The following ZNF285 variants were observed in gnomAD, a reference collection of about 807,000 sequenced individuals.
The protein encoded by ZNF285 is zinc finger protein 285.
ZNF285 carries 4 observed loss-of-function variants against 6.2 expected under a neutral mutation model. The observed-to-expected ratio is 0.65, with a 90% CI of 0.32 to 1.49. The LOEUF (loss-of-function observed/expected upper bound fraction) is 1.49. Among genes scored for constraint, ZNF285 ranks in the 40% most tolerant of loss-of-function variants. The pLI, the probability that ZNF285 is intolerant of heterozygous loss-of-function variation, is 0.07. For missense variants in ZNF285, 695 were observed against 708.8 expected (o/e 0.98, Z 0.22); for synonymous variants, 240 against 245.8 (o/e 0.98, Z 0.22).
In ZNF285 at chr19:44,386,293, A is replaced by G; in HGVS notation, c.*179T>C. The stretch of plus-strand genomic sequence containing the variant: ...GCATACAGCAGTTGATGGGAGCTTC[A>G]CAGAAGTTCTTGAAATCCACAGTCC... On this transcript the variant is annotated 3_prime_UTR_variant, in exon 4 of 4. Transcript: ENST00000614994. 1.5e-6 allele frequency: 1 copy of G among 672,136 alleles called. No individual in the cohort carries two copies. The highest frequency in any genetic ancestry group is 2.4e-6 in the Non-Finnish European group (1 of 410,812). 41.6% of individuals were successfully genotyped at this position (672,136 alleles called of 1,614,324 possible). A position where few individuals can be genotyped will look rare whatever the true frequency, so the allele number is the denominator to read the frequency against.
Position 44,384,768 on chromosome 19 carries a change from C to T in ZNF285, c.*1704G>A, listed in dbSNP as rs12459003. On this transcript the variant is annotated 3_prime_UTR_variant, in exon 4 of 4. Coordinates refer to ENST00000614994, the MANE Select transcript of ZNF285 (RefSeq NM_152354.6). ...CTTTGGGAAGCTGAGGTAGGAGGATCGCTTGAAACCAGAAGTTTGAGACTA... is the reference window on the plus strand; with the variant it reads ...CTTTGGGAAGCTGAGGTAGGAGGATTGCTTGAAACCAGAAGTTTGAGACTA... 3.3e-5 allele frequency: 5 copies of T among 152,022 alleles called. No homozygotes were observed. The highest frequency in any genetic ancestry group is 1.2e-4 in the African/African-American group (5 of 41,456). 9.4% of individuals were successfully genotyped at this position (152,022 alleles called of 1,614,324 possible).
At position 44,394,413 on chromosome 19, in the gene ZNF285, A is replaced by T. The variant is rs969310815; in HGVS notation, c.16-1947T>A. ...GTACCCTAAAACTTAAAGTATAATAAAAAAAAAAGAAGTACTGAAATAACC... is the reference window on the plus strand; with the variant it reads ...GTACCCTAAAACTTAAAGTATAATATAAAAAAAAGAAGTACTGAAATAACC... On this transcript the variant is annotated intron_variant, in intron 2 of 3. Transcript: ENST00000614994. 3.8e-5 allele frequency: 13 copies of T among 344,728 alleles called. No homozygotes were observed. The African/African-American group carries it at 9.2e-4, about 24-fold the overall frequency. The allele number at this position is 344,728 out of a possible 1,614,324, so 21.4% of individuals were successfully genotyped here. A position where few individuals can be genotyped will look rare whatever the true frequency, so the allele number is the denominator to read the frequency against.
chr19:44,387,254 G>A lies in ZNF285; in HGVS notation c.991C>T (p.Leu331Phe), dbSNP rs1971102659. The change falls in exon 4 of 4, where the codon CTT (leucine) becomes TTT (phenylalanine). Residue 331 changes from leucine to phenylalanine, a missense_variant. Leu to Phe is a conservative substitution (Grantham distance 22). Transcript: ENST00000614994. The part of the protein sequence containing the change: ...CGKGFRRSSS[L>F]HNHHRVHTGE... ...GTGTGGACTCGATGATGGTTGTGAA[G>A]GGAAGAGCTGCGCCTGAAGCCCTTG... is the stretch of plus-strand genomic sequence containing the variant. 6.2e-7 allele frequency: 1 copy of A among 1,614,038 alleles called. No individual in the cohort carries two copies.
intron 2 of ZNF285, 101 bp downstream of exon 2, chr19:44,397,098 T>G (rs879191835): frequency 6.5e-7 from 1 of 1,546,040 alleles, no homozygotes; most frequent in Non-Finnish European, 8.9e-7. Context: ...ACCTAATACA[T>G]AGTAGTCACT....
At position 44,386,986 on chromosome 19, in the gene ZNF285, C is replaced by T. The variant is rs1374253576; in HGVS notation, c.1259G>A (p.Arg420Lys). The change falls in exon 4 of 4, where the codon AGG becomes AAG. Residue 420 changes from arginine to lysine, a missense_variant. Transcript: ENST00000614994. ...SSSSVLQVHW[R>K]FHTGEKPYRC... is the part of the protein sequence containing the mutation. ...ATATGGTTTCTCCCCTGTGTGAAAC[C>T]TCCAGTGGACTTGAAGAACGGAGCT... is the stretch of plus-strand genomic sequence containing the variant. 1.9e-6 allele frequency: 3 copies of T among 1,614,122 alleles called. No individual in the cohort carries two copies. The highest frequency in any genetic ancestry group is 1.1e-5 in the South Asian group (1 of 91,090).
In ZNF285 at chr19:44,387,677, A is replaced by C. The variant is rs148342841; in HGVS notation, c.568T>G (p.Cys190Gly). The C allele has an allele frequency of 1.9e-6, 3 of 1,611,740 alleles. No individual in the cohort carries two copies. The highest frequency in any genetic ancestry group is 1.7e-5 in the Admixed American group (1 of 59,816). Residue 190 changes from cysteine to glycine, a missense_variant, in exon 4 of 4, where the codon TGT becomes GGT. Coordinates refer to ENST00000614994, the MANE Select transcript of ZNF285 (RefSeq NM_152354.6). The stretch of plus-strand genomic sequence containing the variant: ...CATTCTTGGGACTCATGATGATCAC[A>C]TGAGGTCCAACTGAGGCTGTCATCA... Reference protein sequence around the residue: ...QHDDSLSWTSCDHHESQECKG... With the variant: ...QHDDSLSWTSGDHHESQECKG...
In ZNF285 at chr19:44,384,398, T is replaced by A. The variant is rs1251572277; in HGVS notation, c.*2074A>T. The A allele has an allele frequency of 1.3e-5, 2 of 152,184 alleles. No individual in the cohort carries two copies. The highest frequency in any genetic ancestry group is 3.8e-4 in the East Asian group (2 of 5,198). The allele number at this position is 152,184 out of a possible 1,614,324, so 9.4% of individuals were successfully genotyped here. On this transcript the variant is annotated 3_prime_UTR_variant, in exon 4 of 4. Transcript: ENST00000614994. The stretch of plus-strand genomic sequence containing the variant: ...GTACATATGATACATATAGACAAGA[T>A]CCTCTCCAGCAACTTTGTACCTGTT...
At chr19:44,400,653 C>T (rs147289636) in intron 1 of ZNF285, among the ~76,000 whole-genome samples, 5,858 of 152,180 alleles carry the variant, frequency 0.038, 329 homozygotes, top group East Asian at 0.13. Flanking sequence ...CAGCTCACTG[C>T]AAGCTCCGCC....
intron 1 of ZNF285, among the ~76,000 whole-genome samples, chr19:44,397,645 G>A (rs938546072): frequency 3.3e-5 from 5 of 152,144 alleles, no homozygotes; most frequent in Non-Finnish European, 7.3e-5. Flanking sequence ...AGCACTTTGG[G>A]AACCCGAGAC....
intron 3 of ZNF285, among the ~76,000 whole-genome samples, chr19:44,391,646 C>T (rs1220456318): frequency 6.6e-6 from 1 of 151,880 alleles, no homozygotes; most frequent in Non-Finnish European, 1.5e-5. Context: ...GACCCCTGCC[C>T]CATGATTCAG....
intron 2 of ZNF285, among the ~76,000 whole-genome samples, chr19:44,395,155 A>G (rs2722646): frequency 0.33 from 49,748 of 151,858 alleles, 11,538 homozygotes; most frequent in East Asian, 0.75. Context: ...GCCCCAAAAT[A>G]TTAAGAAACC....
At chr19:44,390,097 T>C (rs1356990104) in intron 3 of ZNF285, among the ~76,000 whole-genome samples, 1 of 152,136 alleles carries the variant, frequency 6.6e-6, no homozygotes, top group African/African-American at 2.4e-5. Flanking sequence ...TTCCCACATG[T>C]CAGAGCCCCC....
intron 2 of ZNF285, among the ~76,000 whole-genome samples, chr19:44,396,490 A>G (rs4114192): frequency 0.034 from 5,206 of 152,254 alleles, 167 homozygotes; most frequent in Non-Finnish European, 0.048. Context: ...AAAGTCCATA[A>G]TCAGTTGACT....
At chr19:44,398,354 T>A (rs939827514) in intron 1 of ZNF285, among the ~76,000 whole-genome samples, 2 of 152,152 alleles carry the variant, frequency 1.3e-5, no homozygotes, top group Non-Finnish European at 2.9e-5. Flanking sequence ...TAGCTTCCAG[T>A]TGGGTTCAGC....
intron 2 of ZNF285, among the ~76,000 whole-genome samples, chr19:44,393,521 T>C (rs1971231987): frequency 6.6e-6 from 1 of 152,154 alleles, no homozygotes; most frequent in Non-Finnish European, 1.5e-5. Flanking sequence ...AGATTCTGGA[T>C]ATTAGCCCTT....
intron 3 of ZNF285, among the ~76,000 whole-genome samples, chr19:44,389,247 G>A (rs187690130): frequency 6.6e-6 from 1 of 152,174 alleles, no homozygotes; most frequent in Admixed American, 6.5e-5. Flanking sequence ...AGGGGGCTGA[G>A]GCAGAAGAGG....
chr19:44,394,879 C>T (rs1357928479), intron 2 of ZNF285, among the ~76,000 whole-genome samples: 2 of 152,168 alleles, frequency 1.3e-5, no homozygotes, highest in African/African-American at 4.8e-5. Context: ...CTACTGTATG[C>T]CTTCTTCTGT....
rs1477133939 is a variant in ZNF285 at position 44,386,189 on chromosome 19, T to C, written c.*283A>G. On this transcript the variant is annotated 3_prime_UTR_variant, in exon 4 of 4. Coordinates refer to ENST00000614994, the MANE Select transcript of ZNF285 (RefSeq NM_152354.6). ...TAGAATTTCCTTCCTGGACACACCC[T>C]TTAATGGAAATTTGACCACTAACTA... 2 of 333,594 alleles carry C rather than the reference T, an allele frequency of 6.0e-6. No homozygotes were observed. Among genetic ancestry groups the C allele is most frequent in the Non-Finnish European group, 1.1e-5 (2 of 181,454 alleles). The allele number at this position is 333,594 out of a possible 1,614,324, so 20.7% of individuals were successfully genotyped here. A position where few individuals can be genotyped will look rare whatever the true frequency, so the allele number is the denominator to read the frequency against.
intron 2 of ZNF285, among the ~76,000 whole-genome samples, chr19:44,396,303 T>G (rs1314618074): frequency 1.3e-5 from 2 of 152,194 alleles, no homozygotes; most frequent in East Asian, 1.9e-4. Flanking sequence ...AGGATCATAA[T>G]ACCATTTGCT....
Sources: allele counts gnomAD v4.1 joint callset (sites outside exome capture counted in the v4.1 genomes callset), GRCh38; gene constraint gnomAD v4.1.1; transcripts MANE v1.5; gene names NCBI Gene and HGNC (gene_info 2026-07-23, HGNC 2026-07-21).